CLEC17A: variants seen among roughly 807,000 people sequenced by gnomAD.
CLEC17A encodes the protein C-type lectin domain containing 17A.
A neutral mutation model predicts 61.3 loss-of-function variants in CLEC17A; 37 were observed. The observed-to-expected ratio is 0.60, with a 90% confidence interval of 0.46 to 0.79. CLEC17A has a LOEUF of 0.79. Ranked by LOEUF, CLEC17A falls within the 30% of genes least tolerant of loss-of-function variation. The pLI is 0.00. For synonymous variants in CLEC17A, 168 were observed against 164.9 expected, an observed-to-expected ratio of 1.02 and a Z score of -0.14; for missense variants, 418 against 464.7, an observed-to-expected ratio of 0.90 and a Z score of 0.92.
At position 14,606,987 on chromosome 19, in the gene CLEC17A, T is replaced by C. The variant is rs991671509; in HGVS notation, c.895-6T>C. ...ATGGCTGGCTGAATGGAATTTTTAT[T>C]TGCAGAATTTTGTGGCCAAGGCCCA... is the stretch of plus-strand genomic sequence containing the variant. On this transcript the variant is annotated splice_polypyrimidine_tract_variant and splice_region_variant and intron_variant, in intron 12 of 13. Coordinates refer to ENST00000417570, the MANE Select transcript of CLEC17A (RefSeq NM_001204118.2). 33 of 1,270,090 alleles carry C rather than the reference T, an allele frequency of 2.6e-5. No homozygotes were observed. The Admixed American group carries it at 1.2e-3, about 47-fold the overall frequency. The allele number at this position is 1,270,090 out of a possible 1,614,324, so 78.7% of individuals were successfully genotyped here.
At chr19:14,600,229 C>T (rs1352252437) in intron 12 of CLEC17A, 47 bp downstream of exon 12, 4 of 1,601,098 alleles carry the variant, frequency 2.5e-6, no homozygotes, top group African/African-American at 1.3e-5. Flanking sequence ...GGACAGCCTG[C>T]TTCTCTTCCA....
At chr19:14,596,034 T>C (rs1850192302) in intron 8 of CLEC17A, among the ~76,000 whole-genome samples, 1 of 148,382 alleles carries the variant, frequency 6.7e-6, no homozygotes, top group Non-Finnish European at 1.5e-5. Context: ...GTGATGACCA[T>C]GTTTAAAAAG....
chr19:14,603,981 A>C (rs987768570), intron 12 of CLEC17A, among the ~76,000 whole-genome samples: 1 of 152,182 alleles, frequency 6.6e-6, no homozygotes, highest in Non-Finnish European at 1.5e-5. Flanking sequence ...TGGGCCATCT[A>C]GGCTGCCCCT....
chr19:14,588,967 C>T (rs1325350386), intron 3 of CLEC17A, among the ~76,000 whole-genome samples: 2 of 151,542 alleles, frequency 1.3e-5, no homozygotes, highest in African/African-American at 4.9e-5. Context: ...CTAATGTGAC[C>T]CTCAAGCCCT....
chr19:14,607,550 A>ATTTTATTAT (rs371571527), intron 13 of CLEC17A, among the ~76,000 whole-genome samples: 1 of 141,402 alleles, frequency 7.1e-6, no homozygotes, highest in Admixed American at 7.1e-5. Flanking sequence ...ATTTTATTTT[A>ATTTTATTAT]TTATTTATTT....
intron 2 of CLEC17A, 38 bp from the exon 3 acceptor site, chr19:14,587,576 G>A: frequency 6.5e-7 from 1 of 1,542,020 alleles, no homozygotes; most frequent in Non-Finnish European, 8.8e-7. Context: ...GGAGGGAGGA[G>A]GGAATGGCTG....
At chr19:14,588,625 C>G (rs1412757132) in intron 3 of CLEC17A, 2 of 152,024 alleles carry the variant, frequency 1.3e-5, no homozygotes, top group Non-Finnish European at 2.9e-5. Context: ...CGCTGCACTC[C>G]AGCTTGGGCA....
At chr19:14,595,219 G>A in intron 7 of CLEC17A, 55 bp from the exon 8 acceptor site, 2 of 1,596,620 alleles carry the variant, frequency 1.3e-6, no homozygotes, top group South Asian at 2.2e-5. Context: ...TGTTGATCTT[G>A]GAAGACAGAG....
chr19:14,582,812 T>G (rs1386661373), upstream of CLEC17A, among the ~76,000 whole-genome samples: 2 of 151,948 alleles, frequency 1.3e-5, no homozygotes, highest in Non-Finnish European at 2.9e-5. Flanking sequence ...TTCACCATGT[T>G]GGCCAACCTG....
chr19:14,584,859 G>C (rs1259177543), intron 2 of CLEC17A, among the ~76,000 whole-genome samples: 1 of 150,690 alleles, frequency 6.6e-6, no homozygotes, highest in Non-Finnish European at 1.5e-5. Context: ...CTATAGCCCA[G>C]CCTCGACTCC....
At chr19:14,598,104 A>G (rs2074593169) in intron 10 of CLEC17A, among the ~76,000 whole-genome samples, 1 of 152,326 alleles carries the variant, frequency 6.6e-6, no homozygotes, top group South Asian at 2.1e-4. Flanking sequence ...CTCAAAACCC[A>G]TCAATGGCTT....
Position 14,611,512 on chromosome 19 carries a change from G to A in CLEC17A, c.*1316G>A, listed in dbSNP as rs531086448. Among the ~76,000 whole-genome samples the A allele has an allele frequency of 6.6e-6, 1 of 151,590 alleles. No individual in the cohort carries two copies. The highest frequency in any genetic ancestry group is 2.4e-5 in the African/African-American group (1 of 41,322). ...CCTGCCTCAGCCTCCCAAGTAGCTG[G>A]GACTACAGGCGTTCACCCTCACACC... is the stretch of plus-strand genomic sequence containing the variant. On this transcript the variant is annotated 3_prime_UTR_variant, in exon 14 of 14. Transcript: ENST00000417570.
chr19:14,593,457 G>A (rs1392444742), intron 4 of CLEC17A, among the ~76,000 whole-genome samples: 1 of 151,842 alleles, frequency 6.6e-6, no homozygotes, highest in Non-Finnish European at 1.5e-5. Context: ...ACCATCCTGG[G>A]TAACACAGTG....
chr19:14,607,003 C>G lies in CLEC17A; in HGVS notation c.905C>G (p.Ala302Gly). 1 of 1,284,798 alleles carries G rather than the reference C, an allele frequency of 7.8e-7. No individual in the cohort carries two copies. The highest frequency in any genetic ancestry group is 2.6e-5 in the South Asian group (1 of 39,166). 79.6% of individuals were successfully genotyped at this position (1,284,798 alleles called of 1,614,324 possible). A position where few individuals can be genotyped will look rare whatever the true frequency, so the allele number is the denominator to read the frequency against. Residue 302 changes from alanine to glycine, a missense_variant, in exon 13 of 14, where the codon GCC becomes GGC. Physicochemically the swap from Ala to Gly is moderately conservative, Grantham distance 60. Transcript: ENST00000417570. ...INSFAEHNFV[A>G]KAHGSPRVYW... ...AATTTTTATTTGCAGAATTTTGTGG[C>G]CAAGGCCCATGGCTCTCCACGGGTG...
chr19:14,583,103 A>G lies in CLEC17A; in HGVS notation c.-58A>G, dbSNP rs1372177721. ...GCCCCCAGACGCCTGAGTCGGAGAGACAGGGGGCAGAGGTTGCCAAGCCCT... is the reference window on the plus strand; with the variant it reads ...GCCCCCAGACGCCTGAGTCGGAGAGGCAGGGGGCAGAGGTTGCCAAGCCCT... On this transcript the variant is annotated 5_prime_UTR_variant, in exon 1 of 14. Transcript: ENST00000417570. The G allele has an allele frequency of 1.8e-5, 29 of 1,595,222 alleles. No individual in the cohort carries two copies. The highest frequency in any genetic ancestry group is 2.4e-5 in the Non-Finnish European group (28 of 1,163,860).
At chr19:14,600,742 C>T (rs1414716251) in intron 12 of CLEC17A, among the ~76,000 whole-genome samples, 1 of 150,428 alleles carries the variant, frequency 6.6e-6, no homozygotes, top group African/African-American at 2.4e-5. Flanking sequence ...CCACCACGCC[C>T]GGCTAATTTT....
At chr19:14,603,607 G>C (rs141389476) in intron 12 of CLEC17A, among the ~76,000 whole-genome samples, 3,317 of 151,736 alleles carry the variant, frequency 0.022, 48 homozygotes, top group Middle Eastern at 0.037. Flanking sequence ...CTATAGTCAC[G>C]TGCCACCACT....
In CLEC17A at chr19:14,610,319, G is replaced by T; in HGVS notation, c.*123G>T. On this transcript the variant is annotated 3_prime_UTR_variant, in exon 14 of 14. Transcript: ENST00000417570. ...ACACAGATGTGCCTCAAACAGGATTGGCACCCTGGATGCAGCAAGTTCCCA... is the reference window on the plus strand; with the variant it reads ...ACACAGATGTGCCTCAAACAGGATTTGCACCCTGGATGCAGCAAGTTCCCA... The T allele has an allele frequency of 7.2e-7, 1 of 1,382,184 alleles. No individual in the cohort carries two copies. The highest frequency in any genetic ancestry group is 1.4e-5 in the South Asian group (1 of 71,524). The allele number at this position is 1,382,184 out of a possible 1,614,324, so 85.6% of individuals were successfully genotyped here.
chr19:14,583,225 G>A (rs1168558396), intron 1 of CLEC17A, 22 bp downstream of exon 1: 2 of 1,613,704 alleles, frequency 1.2e-6, no homozygotes, highest in East Asian at 2.2e-5. Flanking sequence ...GCCAGGCTGG[G>A]GCTGGGGCCT....
Sources: allele counts gnomAD v4.1 joint callset (sites outside exome capture counted in the v4.1 genomes callset), GRCh38; gene constraint gnomAD v4.1.1; transcripts MANE v1.5; gene names NCBI Gene and HGNC (gene_info 2026-07-23, HGNC 2026-07-21).